Variants in GALC observed in about 807,000 individuals in gnomAD.
GALC encodes galactosylceramidase, also known as galactocerebrosidase.
In GALC, 77 loss-of-function variants were observed where a neutral mutation model predicts 91.8. The ratio of observed to expected loss-of-function variants is 0.84; its 90% CI spans 0.70 to 1.01. GALC has a LOEUF of 1.01. GALC is among the 50% of genes least tolerant of loss of function. GALC has a pLI of 0.00. For synonymous variants in GALC, 357 were observed against 306.7 expected (o/e 1.16, Z -1.71); for missense variants, 882 against 855.9 (o/e 1.03, Z -0.38).
Position 87,954,424 on chromosome 14 carries a change from G to C in GALC, c.1162-3676C>G, listed in dbSNP as rs560513519. The C allele has an allele frequency of 2.8e-4, 447 of 1,594,606 alleles. 1 individual carries two copies. The highest frequency in any genetic ancestry group is 3.7e-4 in the Non-Finnish European group (436 of 1,164,140). ...TATTATGGAGTCCTGGAGCAGCCTG[G>C]TACCCTCAACTGCAAAGGAAAAAAG... is the stretch of plus-strand genomic sequence containing the variant. On this transcript the variant is annotated intron_variant, in intron 10 of 16. Transcript: ENST00000261304.
rs565996509 is a variant in GALC, at chr14:87,991,422, T to C, written c.195+1548A>G. Among the ~76,000 whole-genome samples, 317 of 152,330 alleles carry C rather than the reference T, an allele frequency of 2.1e-3. 1 individual carries two copies. Among genetic ancestry groups the C allele is most frequent in the African/African-American group, 7.4e-3 (309 of 41,576 alleles). On this transcript the variant is annotated intron_variant, in intron 1 of 16. Transcript: ENST00000261304. ...TTTCACCGTGTTAGCCAGGATAGTCTTGATCTCCTGACCTCGTGATCCGCC... is the reference window on the plus strand; with the variant it reads ...TTTCACCGTGTTAGCCAGGATAGTCCTGATCTCCTGACCTCGTGATCCGCC...
chr14:87,976,525 A>C (rs745901400), intron 6 of GALC, 37 bp from the exon 7 acceptor site: 1 of 1,565,138 alleles, frequency 6.4e-7, no homozygotes, highest in South Asian at 1.1e-5. Context: ...GAAAGGATAC[A>C]AATGAATTTT....
At chr14:87,978,553 CG>C (rs1306267047) in intron 6 of GALC, among the ~76,000 whole-genome samples, 1 of 152,126 alleles carries the variant, frequency 6.6e-6, no homozygotes, top group African/African-American at 2.4e-5. Flanking sequence ...TAAGTCATTA[CG>C]AACAGCATTC....
intron 10 of GALC, chr14:87,955,112 T>C (rs923587453): frequency 2.5e-5 from 34 of 1,354,128 alleles, no homozygotes; most frequent in Admixed American, 3.4e-5. Context: ...CTTTTTGTGT[T>C]AGATGAAAGC....
At chr14:87,961,425 G>A (rs1396669386) in intron 10 of GALC, among the ~76,000 whole-genome samples, 1 of 152,076 alleles carries the variant, frequency 6.6e-6, no homozygotes, top group Non-Finnish European at 1.5e-5. Flanking sequence ...CCTAAAGACA[G>A]AGTTACCATG....
chr14:87,962,783 C>A (rs1885863199), intron 10 of GALC, among the ~76,000 whole-genome samples: 1 of 152,110 alleles, frequency 6.6e-6, no homozygotes, highest in South Asian at 2.1e-4. Flanking sequence ...CTTTGGGAAG[C>A]TTGAGATCTC....
At position 87,933,916 on chromosome 14, in the gene GALC, C is replaced by A; in HGVS notation, c.*816G>T. On this transcript the variant is annotated 3_prime_UTR_variant, in exon 17 of 17. Transcript: ENST00000261304. ...TCTGTTACCAGTGCACATGTGAGGA[C>A]AGACCACAGCACAGTGAGATGAGGC... The A allele has an allele frequency of 1.5e-6, 2 of 1,362,418 alleles. No homozygotes were observed. The highest frequency in any genetic ancestry group is 2.0e-6 in the Non-Finnish European group (2 of 988,994). 84.4% of individuals were successfully genotyped at this position (1,362,418 alleles called of 1,614,324 possible).
intron 6 of GALC, among the ~76,000 whole-genome samples, chr14:87,981,603 C>A (rs1048459107): frequency 1.3e-5 from 2 of 152,030 alleles, no homozygotes; most frequent in Non-Finnish European, 2.9e-5. Flanking sequence ...AGTGAAACTG[C>A]CATTTTTTTT....
intron 3 of GALC, 114 bp from the exon 4 acceptor site, chr14:87,986,716 T>G: frequency 1.4e-6 from 1 of 709,236 alleles, no homozygotes; most frequent in South Asian, 1.5e-5. Flanking sequence ...GTATTCCAGT[T>G]CTAATCCTGA....
In GALC at chr14:87,941,489, T is replaced by C; in HGVS notation, c.1740A>G (p.Gly580=). 4 of 1,603,118 alleles carry C rather than the reference T, an allele frequency of 2.5e-6. No individual in the cohort carries two copies. Among genetic ancestry groups the C allele is most frequent in the Non-Finnish European group, 3.4e-6 (4 of 1,170,332 alleles). ...TPDTGGVFIA[G]RVNKGGILIR... The stretch of plus-strand genomic sequence containing the variant: ...TCAAAATACCACCTTTATTTACTCT[T>C]CCTGCAATGAACACACCTCCTGTGT... The change falls in exon 15 of 17, where the codon GGA becomes GGG. Residue 580 remains glycine, a synonymous_variant. Coordinates refer to ENST00000261304, the MANE Select transcript of GALC (RefSeq NM_000153.4).
rs1324277966 is a variant in GALC at position 87,988,328 on chromosome 14, T to G, written c.265-121A>C. On this transcript the variant is annotated intron_variant, in intron 2 of 16. Transcript: ENST00000261304. ...CAAAAGCAAAACTTCAAATAGCAAT[T>G]TATTCCAAAAGTAATGTGCCATTTT... 3.2e-6 allele frequency: 4 copies of G among 1,258,734 alleles called. No individual in the cohort carries two copies. The East Asian group carries it at 7.0e-5, about 22-fold the overall frequency. 78.0% of individuals were successfully genotyped at this position (1,258,734 alleles called of 1,614,324 possible).
At chr14:87,964,255 T>C (rs1885934928) in intron 9 of GALC, among the ~76,000 whole-genome samples, 1 of 152,114 alleles carries the variant, frequency 6.6e-6, no homozygotes, top group Non-Finnish European at 1.5e-5. Context: ...TAGAATAATA[T>C]CATGATTACA....
chr14:87,961,273 T>G (rs2139987423), intron 10 of GALC, among the ~76,000 whole-genome samples: 1 of 152,298 alleles, frequency 6.6e-6, no homozygotes, highest in East Asian at 1.9e-4. Flanking sequence ...CACTTCACAT[T>G]CACTAGGATG....
In GALC at chr14:87,939,325, C is replaced by T. The variant is rs563667795; in HGVS notation, c.1911+580G>A. Among the ~76,000 whole-genome samples, 5 of 136,220 alleles carry T rather than the reference C, an allele frequency of 3.7e-5. No homozygotes were observed. The South Asian group carries it at 1.3e-3, about 35-fold the overall frequency. The allele number at this position is 136,220 out of a possible 152,430, so 89.4% of individuals were successfully genotyped here. On this transcript the variant is annotated intron_variant, in intron 16 of 16. Transcript: ENST00000261304. ...CTAAACAAAATTGTGAGAGAGCTAT[C>T]TTGGGAGAGACCAACACATTATACA...
chr14:87,963,887 CTT>C (rs1885917095), intron 9 of GALC, among the ~76,000 whole-genome samples: 1 of 152,052 alleles, frequency 6.6e-6, no homozygotes, highest in African/African-American at 2.4e-5. Flanking sequence ...CAGAAACTAA[CTT>C]TATGGTTTCA....
intron 6 of GALC, among the ~76,000 whole-genome samples, chr14:87,981,741 T>C (rs768195549): frequency 1.4e-4 from 22 of 152,106 alleles, no homozygotes; most frequent in South Asian, 8.3e-4. Flanking sequence ...AATAACACAA[T>C]TGGCAGATGT....
chr14:87,939,925 T>A lies in GALC; in HGVS notation c.1891A>T (p.Thr631Ser). 1 of 1,610,154 alleles carries A rather than the reference T, an allele frequency of 6.2e-7. No homozygotes were observed. Among genetic ancestry groups the A allele is most frequent in the Non-Finnish European group, 8.5e-7 (1 of 1,176,910 alleles). ...CTTACCTTAATAGTTAACGTGAGTG[T>A]ATACCATTTTTTTGCTGTAACTTCA... ...RVEVTAKKWY[T>S]LTLTIKGHFT... The change falls in exon 16 of 17, where the codon ACA becomes TCA. Residue 631 changes from threonine (T) to serine (S), a missense_variant. Physicochemically the swap from Thr to Ser is moderately conservative, Grantham distance 58. Transcript: ENST00000261304.
Position 87,993,073 on chromosome 14 carries a change from A to T in GALC, c.92T>A (p.Leu31Ter). The change falls in exon 1 of 17, where the codon TTG becomes TAG. Residue 31 changes from leucine to a stop codon, truncating the protein, a stop_gained. Transcript: ENST00000261304. LOFTEE classifies it high-confidence loss of function. ...AGSAGRAAVP[L>*]LLCALLAPGG... ...GGGCGCCAGCAGCGCACACAGCAGCAAGGGCACCGCGGCGCGGCCCGCCGA... is the reference window on the plus strand; with the variant it reads ...GGGCGCCAGCAGCGCACACAGCAGCTAGGGCACCGCGGCGCGGCCCGCCGA... 1 of 1,579,716 alleles carries T rather than the reference A, an allele frequency of 6.3e-7. No homozygotes were observed. Among genetic ancestry groups the T allele is most frequent in the Non-Finnish European group, 8.6e-7 (1 of 1,163,724 alleles).
chr14:87,978,068 T>C (rs1202606919), intron 6 of GALC, among the ~76,000 whole-genome samples: 1 of 152,160 alleles, frequency 6.6e-6, no homozygotes, highest in Admixed American at 6.5e-5. Flanking sequence ...TTCCTTTTCT[T>C]TGAGACGGAG....
Sources: allele counts gnomAD v4.1 joint callset (sites outside exome capture counted in the v4.1 genomes callset), GRCh38; gene constraint gnomAD v4.1.1; transcripts MANE v1.5; gene names NCBI Gene and HGNC (gene_info 2026-07-23, HGNC 2026-07-21).